The following CCDC167 variants were observed in gnomAD, a reference collection of about 807,000 sequenced individuals.
CCDC167 encodes the protein coiled-coil domain containing 167, also known as coiled-coil domain-containing protein 167.
Under a neutral mutation model 12.7 loss-of-function variants are expected in CCDC167, and 15 were observed. That is an observed-to-expected ratio of 1.18 (90% CI 0.79 to 1.81). The LOEUF (loss-of-function observed/expected upper bound fraction) is 1.81, where lower values mean the gene tolerates loss of function less well. Ranked by LOEUF, CCDC167 falls within the 40% of genes most tolerant of loss-of-function variation. The pLI is 0.00. For missense variants in CCDC167, 121 were observed against 120.1 expected (o/e 1.01, Z -0.03); for synonymous variants, 52 against 49.0 (o/e 1.06, Z -0.26).
Position 37,483,224 on chromosome 6 carries a change from T to G in CCDC167, c.256A>C (p.Ile86Leu). The G allele has an allele frequency of 6.2e-7, 1 of 1,614,132 alleles. No homozygotes were observed. The highest frequency in any genetic ancestry group is 8.5e-7 in the Non-Finnish European group (1 of 1,179,984). Reference sequence around the variant, plus strand: ...TAGGCATAGACGAGCGTCAGGAGGATAAAGATGGCCACAGAGAGCAGCATG... The same window carrying G: ...TAGGCATAGACGAGCGTCAGGAGGAGAAAGATGGCCACAGAGAGCAGCATG... ...KNMLLSVAIF[I>L]LLTLVYAYWT... Residue 86 changes from isoleucine to leucine, a missense_variant, in exon 4 of 4, where the codon ATC becomes CTC. Transcript: ENST00000373408.
At chr6:37,484,997 G>C in intron 2 of CCDC167, 103 bp downstream of exon 2, 1 of 1,443,484 alleles carries the variant, frequency 6.9e-7, no homozygotes, top group South Asian at 1.2e-5. Flanking sequence ...AAGATGTCAG[G>C]GACCCAAACC....
At chr6:37,486,966 C>T (rs1308732259) in intron 1 of CCDC167, among the ~76,000 whole-genome samples, 4 of 152,156 alleles carry the variant, frequency 2.6e-5, no homozygotes, top group Non-Finnish European at 4.4e-5. Flanking sequence ...TGCCCTACCT[C>T]CTCCACCAGG....
rs770436819 is a variant in CCDC167 at position 37,499,857 on chromosome 6, T to C, written c.7A>G (p.Lys3Glu). The C allele has an allele frequency of 2.7e-5, 44 of 1,614,050 alleles. No individual in the cohort carries two copies. The highest frequency in any genetic ancestry group is 4.5e-5 in the East Asian group (2 of 44,896). The part of the protein sequence containing the change: MT[K>E]KKRENLGVAL... ...ACGCCCAGATTCTCCCGCTTCTTTT[T>C]AGTCATGTTACTTGCCGGGATCCCC... The change falls in exon 1 of 4, where the codon AAA becomes GAA. Residue 3 changes from lysine (K) to glutamate (E), a missense_variant. By Grantham distance (56) the Lys-to-Glu change is moderately conservative. Coordinates refer to ENST00000373408, the MANE Select transcript of CCDC167 (RefSeq NM_138493.3).
Position 37,483,033 on chromosome 6 carries a change from G to A in CCDC167, c.*153C>T, listed in dbSNP as rs1264070578. On this transcript the variant is annotated 3_prime_UTR_variant, in exon 4 of 4. Coordinates refer to ENST00000373408, the MANE Select transcript of CCDC167 (RefSeq NM_138493.3). ...CCGGAACCCCCCAGCAGGCCAGGGA[G>A]GCAAGGCCTGGGCCGCCAGGAAGCC... 2 of 717,272 alleles carry A rather than the reference G, an allele frequency of 2.8e-6. No homozygotes were observed. Among genetic ancestry groups the A allele is most frequent in the Admixed American group, 2.0e-5 (1 of 49,482 alleles). 44.4% of individuals were successfully genotyped at this position (717,272 alleles called of 1,614,324 possible).
intron 1 of CCDC167, among the ~76,000 whole-genome samples, chr6:37,497,069 C>T (rs539142001): frequency 6.6e-6 from 1 of 152,316 alleles, no homozygotes; most frequent in East Asian, 1.9e-4. Flanking sequence ...TACTCTAGAC[C>T]AGGAGTTGGC....
intron 2 of CCDC167, 73 bp downstream of exon 2, chr6:37,485,027 T>C (rs1761924202): frequency 7.8e-7 from 1 of 1,285,580 alleles, no homozygotes; most frequent in Admixed American, 1.9e-5. Context: ...AGGCCTACTT[T>C]GGGGGACCCA....
In CCDC167 at chr6:37,484,979, C is replaced by T; in HGVS notation, c.138-117G>A. 6 of 1,459,904 alleles carry T rather than the reference C, an allele frequency of 4.1e-6. No individual in the cohort carries two copies. In the South Asian group the frequency reaches 6.9e-5, roughly 17 times the overall value. 90.4% of individuals were successfully genotyped at this position (1,459,904 alleles called of 1,614,324 possible). A position where few individuals can be genotyped will look rare whatever the true frequency, so the allele number is the denominator to read the frequency against. The stretch of plus-strand genomic sequence containing the variant: ...TGTTCGGCGGCAGGGGGGGTGTGCA[C>T]TGAAGCTAAGATGTCAGGGACCCAA... On this transcript the variant is annotated intron_variant, in intron 2 of 3. Coordinates refer to ENST00000373408, the MANE Select transcript of CCDC167 (RefSeq NM_138493.3).
intron 1 of CCDC167, among the ~76,000 whole-genome samples, chr6:37,492,393 C>G (rs1224329214): frequency 6.6e-6 from 1 of 152,230 alleles, no homozygotes; most frequent in Non-Finnish European, 1.5e-5. Flanking sequence ...CAGATACTCT[C>G]TGTGAGGGAA....
At chr6:37,493,190 G>C (rs1762045707) in intron 1 of CCDC167, among the ~76,000 whole-genome samples, 1 of 152,208 alleles carries the variant, frequency 6.6e-6, no homozygotes, top group South Asian at 2.1e-4. Flanking sequence ...GCCCACGCGA[G>C]TCCCGACGCC....
In CCDC167 at chr6:37,484,817, G is replaced by A; in HGVS notation, c.183C>T (p.Ser61=). Residue 61 remains serine, a synonymous_variant, in exon 3 of 4, where the codon TCC becomes TCT. Transcript: ENST00000373408. ...KEKNSLMNKA[S]NYEKELKFLR... ...TGAAAGGAACTTTCTTACCGTAGTT[G>A]GAGGCTTTGTTCATTAGGCTGTTTT... 1 of 1,614,224 alleles carries A rather than the reference G, an allele frequency of 6.2e-7. No homozygotes were observed. Among genetic ancestry groups the A allele is most frequent in the South Asian group, 1.1e-5 (1 of 91,088 alleles).
At chr6:37,485,220 GGCT>G in intron 1 of CCDC167, 26 bp from the exon 2 acceptor site, 1 of 1,560,094 alleles carries the variant, frequency 6.4e-7, no homozygotes, top group Non-Finnish European at 8.8e-7. Flanking sequence ...CAGAGAGGTG[GGCT>G]GCCGAGGCTT....
At chr6:37,492,592 T>G (rs1475151829) in intron 1 of CCDC167, among the ~76,000 whole-genome samples, 1 of 152,226 alleles carries the variant, frequency 6.6e-6, no homozygotes, top group African/African-American at 2.4e-5. Flanking sequence ...GGTGGGCTAC[T>G]TGGGCCTGAT....
At chr6:37,499,794 G>A (rs1762142117) in intron 1 of CCDC167, 28 bp downstream of exon 1, 1 of 1,613,054 alleles carries the variant, frequency 6.2e-7, no homozygotes, top group East Asian at 2.2e-5. Context: ...AACTAACGAG[G>A]TGGCCCAACC....
At chr6:37,497,319 C>A (rs1762108016) in intron 1 of CCDC167, among the ~76,000 whole-genome samples, 2 of 152,128 alleles carry the variant, frequency 1.3e-5, no homozygotes, top group South Asian at 4.1e-4. Context: ...ATTTTTGCAA[C>A]CTTGTTTCAT....
chr6:37,486,110 G>C (rs1761939667), intron 1 of CCDC167, among the ~76,000 whole-genome samples: 1 of 152,174 alleles, frequency 6.6e-6, no homozygotes, highest in African/African-American at 2.4e-5. Context: ...GGGGCTCTGT[G>C]ACCCTCCCAG....
intron 1 of CCDC167, among the ~76,000 whole-genome samples, chr6:37,496,886 G>T (rs919391861): frequency 3.9e-5 from 6 of 152,204 alleles, no homozygotes; most frequent in Non-Finnish European, 8.8e-5. Flanking sequence ...CTTGCCAATG[G>T]AAAGTGGACA....
At chr6:37,495,552 AC>A (rs1762087903) in intron 1 of CCDC167, among the ~76,000 whole-genome samples, 1 of 152,146 alleles carries the variant, frequency 6.6e-6, no homozygotes, top group African/African-American at 2.4e-5. Flanking sequence ...GCTAAAACTC[AC>A]AGTTTTTTCC....
At chr6:37,489,878 G>C (rs1438319398) in intron 1 of CCDC167, among the ~76,000 whole-genome samples, 4 of 152,260 alleles carry the variant, frequency 2.6e-5, no homozygotes, top group African/African-American at 4.8e-5. Context: ...TTACGGCTGT[G>C]ACTGTGACCG....
intron 1 of CCDC167, among the ~76,000 whole-genome samples, chr6:37,492,627 C>T (rs768267144): frequency 1.2e-4 from 19 of 152,358 alleles, no homozygotes; most frequent in Admixed American, 1.2e-3. Context: ...CCAGCAGTAC[C>T]GAAGCCTTCC....
Sources: allele counts gnomAD v4.1 joint callset (sites outside exome capture counted in the v4.1 genomes callset), GRCh38; gene constraint gnomAD v4.1.1; transcripts MANE v1.5; gene names NCBI Gene and HGNC (gene_info 2026-07-23, HGNC 2026-07-21).